CCDC88C: variants seen among roughly 807,000 people sequenced by gnomAD.
CCDC88C encodes protein Daple.
Under a neutral mutation model 198.8 loss-of-function variants are expected in CCDC88C, and 131 were observed. The observed-to-expected ratio is 0.66, with a 90% confidence interval of 0.57 to 0.76. The LOEUF is 0.76. Ranked by LOEUF, CCDC88C falls within the 30% of genes least tolerant of loss-of-function variation. CCDC88C has a pLI of 0.00. For synonymous variants in CCDC88C, 1,166 were observed against 1,114.7 expected (o/e 1.05, Z -0.92); for missense variants, 2,553 against 2,631.6 (o/e 0.97, Z 0.65).
chr14:91,301,214 A>C (rs984719659), intron 20 of CCDC88C, among the ~76,000 whole-genome samples: 2 of 152,230 alleles, frequency 1.3e-5, no homozygotes, highest in African/African-American at 4.8e-5. Flanking sequence ...AATGAGAAGA[A>C]GAGAAAACCA....
intron 15 of CCDC88C, among the ~76,000 whole-genome samples, chr14:91,311,344 T>C (rs910724740): frequency 6.6e-6 from 1 of 152,366 alleles, no homozygotes; most frequent in East Asian, 1.9e-4. Context: ...CAGTCATCTC[T>C]TTCCAGTGTG....
At chr14:91,359,826 G>T in intron 3 of CCDC88C, 115 bp from the exon 4 acceptor site, 3 of 867,228 alleles carry the variant, frequency 3.5e-6, no homozygotes, top group South Asian at 1.5e-5. Flanking sequence ...ATCCCGTGGT[G>T]ACTACGAAGG....
rs1893089208 is a variant in CCDC88C at position 91,337,304 on chromosome 14, A to G, written c.1050+701T>C. Among the ~76,000 whole-genome samples, 4 of 152,216 alleles carry G rather than the reference A, an allele frequency of 2.6e-5. No homozygotes were observed. In the South Asian group the frequency reaches 8.3e-4, roughly 32 times the overall value. On this transcript the variant is annotated intron_variant, in intron 10 of 29. Coordinates refer to ENST00000389857, the MANE Select transcript of CCDC88C (RefSeq NM_001080414.4). ...ATGGGGCTTGCCCAACACCAGTTACATCTTTGAAACCTCATAGAGCCATAA... is the reference window on the plus strand; with the variant it reads ...ATGGGGCTTGCCCAACACCAGTTACGTCTTTGAAACCTCATAGAGCCATAA...
intron 3 of CCDC88C, among the ~76,000 whole-genome samples, chr14:91,361,773 C>T (rs1894313867): frequency 6.6e-6 from 1 of 152,170 alleles, no homozygotes; most frequent in African/African-American, 2.4e-5. Context: ...AAAATTGTCT[C>T]TTAAATGCAT....
chr14:91,375,452 G>GGGA (rs1884344155), intron 3 of CCDC88C, among the ~76,000 whole-genome samples: 1 of 152,042 alleles, frequency 6.6e-6, no homozygotes, highest in Non-Finnish European at 1.5e-5. Context: ...TTTCCTTTAA[G>GGGA]TAGGGAAGCT....
chr14:91,369,953 C>G (rs942785240), intron 3 of CCDC88C, among the ~76,000 whole-genome samples: 2 of 152,238 alleles, frequency 1.3e-5, no homozygotes, highest in Non-Finnish European at 2.9e-5. Context: ...CCCCCTCCCA[C>G]GGAACACTTC....
In CCDC88C at chr14:91,408,712, G is replaced by A; in HGVS notation, c.217C>T (p.Leu73Phe). ...INKHVNNDVN[L>F]RIQNLTILVR... The stretch of plus-strand genomic sequence containing the variant: ...AAGATGGTCAAATTCTGAATGCGAA[G>A]GTTCACATCATTGTTGACGTGCTTA... The change falls in exon 3 of 30, where the codon CTT becomes TTT. Residue 73 changes from leucine to phenylalanine, a missense_variant. By Grantham distance (22) the Leu-to-Phe change is conservative. Around this residue, in one of 2 missense-constraint regions of CCDC88C, gnomAD observed 1,260 missense variants for 1,412.0 expected, o/e 0.89. Coordinates refer to ENST00000389857, the MANE Select transcript of CCDC88C (RefSeq NM_001080414.4). 6.2e-7 allele frequency: 1 copy of A among 1,613,872 alleles called. No homozygotes were observed. The highest frequency in any genetic ancestry group is 2.2e-5 in the East Asian group (1 of 44,888).
At chr14:91,388,829 A>G (rs1885308335) in intron 3 of CCDC88C, among the ~76,000 whole-genome samples, 1 of 152,166 alleles carries the variant, frequency 6.6e-6, no homozygotes, top group Non-Finnish European at 1.5e-5. Flanking sequence ...GGGTATTAAT[A>G]GCCCTCAGCT....
rs528058907 is a variant in CCDC88C, at chr14:91,287,495, G to A, written c.4441+1610C>T. Among the ~76,000 whole-genome samples the A allele has an allele frequency of 2.0e-5, 3 of 152,134 alleles. No individual in the cohort carries two copies. The South Asian group carries it at 6.2e-4, about 32-fold the overall frequency. On this transcript the variant is annotated intron_variant, in intron 25 of 29. Coordinates refer to ENST00000389857, the MANE Select transcript of CCDC88C (RefSeq NM_001080414.4). ...ACTACAGGTACGTGCCACCACACCT[G>A]GCTAAATAAAAATATATATATTGGT...
At chr14:91,344,921 C>T (rs1001701521) in intron 4 of CCDC88C, among the ~76,000 whole-genome samples, 13 of 151,590 alleles carry the variant, frequency 8.6e-5, no homozygotes, top group Admixed American at 3.9e-4. Flanking sequence ...CTCAGCCTCC[C>T]GAGTAGCTAG....
rs1302266557 is a variant in CCDC88C, at chr14:91,313,647, C to T, written c.2169G>A (p.Leu723=). The T allele has an allele frequency of 2.5e-6, 4 of 1,612,638 alleles. No individual in the cohort carries two copies. The highest frequency in any genetic ancestry group is 3.4e-6 in the Non-Finnish European group (4 of 1,179,886). The change falls in exon 15 of 30, where the codon CTG becomes CTA. Residue 723 remains leucine, a synonymous_variant. Transcript: ENST00000389857. This position sits in a 1 kb window ranked among gnomAD's most constrained non-coding sequence, Gnocchi z 5.2. Reference sequence around the variant, plus strand: ...GCTGGTTCTCCCTCTCCATCTGTGCCAGCTTGGTGCTGGTGAAGCGCATGG... The same window carrying T: ...GCTGGTTCTCCCTCTCCATCTGTGCTAGCTTGGTGCTGGTGAAGCGCATGG... ...VETMRFTSTK[L]AQMERENQQL...
At chr14:91,356,231 G>A (rs1168066893) in intron 4 of CCDC88C, among the ~76,000 whole-genome samples, 5 of 152,112 alleles carry the variant, frequency 3.3e-5, no homozygotes, top group South Asian at 2.1e-4. Flanking sequence ...GTGGATGTCC[G>A]CTGCCAGCCT....
rs1333164745 is a variant in CCDC88C at position 91,338,229 on chromosome 14, T to C, written c.892-66A>G. 6.4e-6 allele frequency: 10 copies of C among 1,571,840 alleles called. No homozygotes were observed. The highest frequency in any genetic ancestry group is 2.7e-5 in the African/African-American group (2 of 74,164). On this transcript the variant is annotated intron_variant, in intron 9 of 29. Coordinates refer to ENST00000389857, the MANE Select transcript of CCDC88C (RefSeq NM_001080414.4). This position sits in a 1 kb window ranked among gnomAD's most constrained non-coding sequence, Gnocchi z 4.8. ...TCCTCTAGGAAGGGCAGAAAGGCCATTGCCCTTCTGCATGGTGTCTCCACG... is the reference window on the plus strand; with the variant it reads ...TCCTCTAGGAAGGGCAGAAAGGCCACTGCCCTTCTGCATGGTGTCTCCACG...
chr14:91,313,066 CTG>C lies in CCDC88C; in HGVS notation c.2736+12_2736+13del. On this transcript the variant is annotated intron_variant, in intron 15 of 29. Coordinates refer to ENST00000389857, the MANE Select transcript of CCDC88C (RefSeq NM_001080414.4). The surrounding 1 kb of genome is among the most constrained non-coding windows in gnomAD (Gnocchi z 5.2). ...CTGCCAATCCCCTTACAGGCGCCGC[CTG>C]TGTTTGCTCACCTCCCTCAGAGTTG... The C allele has an allele frequency of 4.5e-6, 7 of 1,560,350 alleles. No individual in the cohort carries two copies. Among genetic ancestry groups the C allele is most frequent in the South Asian group, 1.2e-5 (1 of 82,224 alleles).
At chr14:91,318,913 C>T (rs1336872850) in intron 13 of CCDC88C, among the ~76,000 whole-genome samples, 1 of 112,008 alleles carries the variant, frequency 8.9e-6, no homozygotes, top group Non-Finnish European at 1.8e-5. Context: ...AGCGAGACTC[C>T]GTCCAAAAAA....
At chr14:91,354,672 G>A (rs1453517180) in intron 4 of CCDC88C, among the ~76,000 whole-genome samples, 1 of 152,172 alleles carries the variant, frequency 6.6e-6, no homozygotes, top group Non-Finnish European at 1.5e-5. Flanking sequence ...GGAGAGCAAA[G>A]TGGAGAGAGG....
chr14:91,377,325 G>A (rs976239319), intron 3 of CCDC88C, among the ~76,000 whole-genome samples: 14 of 152,232 alleles, frequency 9.2e-5, no homozygotes, highest in African/African-American at 3.1e-4. Context: ...CTGTGAAGAT[G>A]ACAGTTCACG....
At chr14:91,327,308 C>T (rs187772794) in intron 10 of CCDC88C, among the ~76,000 whole-genome samples, 3 of 152,326 alleles carry the variant, frequency 2.0e-5, no homozygotes, top group Non-Finnish European at 4.4e-5. Context: ...ACACACTTTC[C>T]GGCCAGCGGA....
At chr14:91,389,474 T>G (rs1346072031) in intron 3 of CCDC88C, among the ~76,000 whole-genome samples, 1 of 152,190 alleles carries the variant, frequency 6.6e-6, no homozygotes, top group Non-Finnish European at 1.5e-5. Context: ...CATGAGCTTC[T>G]AAAAAGCTTT....
Sources: allele counts gnomAD v4.1 joint callset (sites outside exome capture counted in the v4.1 genomes callset), GRCh38; gene constraint gnomAD v4.1.1; regional missense constraint gnomAD v4.1.1; non-coding constraint Gnocchi (gnomAD v3.1); transcripts MANE v1.5; gene names NCBI Gene and HGNC (gene_info 2026-07-23, HGNC 2026-07-21).